Variants in INPP4A observed in about 807,000 individuals in gnomAD.
INPP4A encodes the protein inositol polyphosphate-4-phosphatase, type I, 107kD.
In INPP4A, 33 loss-of-function variants were observed where a neutral mutation model predicts 119.8. The observed-to-expected ratio is 0.28, with a 90% confidence interval of 0.21 to 0.37. INPP4A has a LOEUF of 0.37. INPP4A is among the 10% of genes least tolerant of loss of function. The pLI, the probability that INPP4A is intolerant of heterozygous loss-of-function variation, is 1.00. For synonymous variants in INPP4A, 496 were observed against 500.7 expected (o/e 0.99, Z 0.12); for missense variants, 956 against 1,289.9 (o/e 0.74, Z 3.97).
At position 98,592,207 on chromosome 2, in the gene INPP4A, G is replaced by A. The variant is rs1313513121; in HGVS notation, c.*4599G>A. 1 of 152,270 alleles carries A rather than the reference G, an allele frequency of 6.6e-6. No homozygotes were observed. The highest frequency in any genetic ancestry group is 1.5e-5 in the Non-Finnish European group (1 of 68,124). 9.4% of individuals were successfully genotyped at this position (152,270 alleles called of 1,614,324 possible). On this transcript the variant is annotated 3_prime_UTR_variant, in exon 25 of 25. Coordinates refer to ENST00000409851, the MANE Select transcript of INPP4A (RefSeq NM_001134225.2). ...CTCCCCAAAATGTCCTCTTCTACCA[G>A]CCCCTCTTAAGAGCCGATTTTCTGT...
At chr2:98,529,418 G>A (rs562727825) in intron 4 of INPP4A, among the ~76,000 whole-genome samples, 13 of 152,240 alleles carry the variant, frequency 8.5e-5, no homozygotes, top group African/African-American at 3.1e-4. Context: ...GGTGATGGTT[G>A]CACAACTCTG....
chr2:98,514,232 G>T (rs1207435943), intron 1 of INPP4A, among the ~76,000 whole-genome samples: 4 of 152,182 alleles, frequency 2.6e-5, no homozygotes, highest in African/African-American at 7.2e-5. Flanking sequence ...AGTAGGGGAG[G>T]CTCAGGGGAT....
chr2:98,481,673 C>T (rs1410337543), intron 1 of INPP4A, among the ~76,000 whole-genome samples: 2 of 152,176 alleles, frequency 1.3e-5, no homozygotes, highest in African/African-American at 2.4e-5. Flanking sequence ...TGTGAGCAAG[C>T]AGGCTTTGTA....
In INPP4A at chr2:98,566,904, G is replaced by A. The variant is rs148766652; in HGVS notation, c.2420+735G>A. 4.7e-4 allele frequency among the ~76,000 whole-genome samples: 71 copies of A among 152,310 alleles called. 2 individuals carry two copies. In the East Asian group the frequency reaches 8.5e-3, roughly 18 times the overall value. ...ATATGTGTAGAATAGTCTAAACAGAGATCTTCAAGTACTTGCTGTGAAGGA... is the reference window on the plus strand; with the variant it reads ...ATATGTGTAGAATAGTCTAAACAGAAATCTTCAAGTACTTGCTGTGAAGGA... On this transcript the variant is annotated intron_variant, in intron 21 of 24. Transcript: ENST00000409851. This position sits in a 1 kb window ranked among gnomAD's most constrained non-coding sequence, Gnocchi z 4.2.
intron 24 of INPP4A, among the ~76,000 whole-genome samples, chr2:98,582,147 A>G (rs1012752392): frequency 1.3e-5 from 2 of 152,222 alleles, no homozygotes; most frequent in Non-Finnish European, 2.9e-5. Flanking sequence ...TATATTTGAT[A>G]CTATTCTTTA....
At chr2:98,579,597 C>T (rs372881014) in intron 24 of INPP4A, among the ~76,000 whole-genome samples, 3 of 152,254 alleles carry the variant, frequency 2.0e-5, no homozygotes, top group African/African-American at 7.2e-5. Flanking sequence ...CTGCCCATGC[C>T]GGGCGCTGTC....
intron 1 of INPP4A, among the ~76,000 whole-genome samples, chr2:98,515,037 G>A (rs1027261101): frequency 1.7e-4 from 26 of 152,194 alleles, no homozygotes; most frequent in African/African-American, 6.3e-4. Context: ...GGGCAGGGCA[G>A]CTCCACGCCC....
At position 98,555,645 on chromosome 2, in the gene INPP4A, C is replaced by T; in HGVS notation, c.1659C>T (p.Gly553=). The T allele has an allele frequency of 6.2e-7, 1 of 1,613,950 alleles. No homozygotes were observed. The highest frequency in any genetic ancestry group is 8.5e-7 in the Non-Finnish European group (1 of 1,179,872). The change falls in exon 16 of 25, where the codon GGC becomes GGT. Residue 553 remains glycine (G), a synonymous_variant. Coordinates refer to ENST00000409851, the MANE Select transcript of INPP4A (RefSeq NM_001134225.2). ...LLQKERLHGE[G]CEDVFPCAGS... is the part of the protein sequence containing the mutation. ...AGAAGGAGCGGCTGCATGGCGAGGG[C>T]TGTGAGGATGTCTTCCCCTGTGCAG...
intron 13 of INPP4A, among the ~76,000 whole-genome samples, chr2:98,551,295 GA>G (rs1258294713): frequency 6.6e-6 from 1 of 152,142 alleles, no homozygotes; most frequent in African/African-American, 2.4e-5. Flanking sequence ...TTTTTAAGAT[GA>G]AATGGTCTTA....
chr2:98,505,769 T>C (rs909595119), intron 1 of INPP4A, among the ~76,000 whole-genome samples: 6 of 152,194 alleles, frequency 3.9e-5, no homozygotes, highest in Non-Finnish European at 8.8e-5. Flanking sequence ...CCCCTTCCAC[T>C]TTCCTGTTGA....
rs139563045 is a variant in INPP4A at position 98,580,703 on chromosome 2, C to A, written c.2786+3560C>A. ...GGGGAGGGCTCTGTGTGAAGAGGAA[C>A]CCTGGGCCTCCTGCCTCCCCATCTC... On this transcript the variant is annotated intron_variant, in intron 24 of 24. Coordinates refer to ENST00000409851, the MANE Select transcript of INPP4A (RefSeq NM_001134225.2). Among the ~76,000 whole-genome samples, 222 of 152,334 alleles carry A rather than the reference C, an allele frequency of 1.5e-3. 3 individuals carry two copies. The highest frequency in any genetic ancestry group is 2.5e-4 in the Non-Finnish European group (17 of 68,026).
At chr2:98,479,106 T>G (rs1027963615) in intron 1 of INPP4A, among the ~76,000 whole-genome samples, 2 of 152,168 alleles carry the variant, frequency 1.3e-5, no homozygotes, top group Non-Finnish European at 2.9e-5. Flanking sequence ...AGACCACACT[T>G]CCAGTTGCCC....
intron 13 of INPP4A, among the ~76,000 whole-genome samples, chr2:98,547,834 C>T (rs1213876874): frequency 1.3e-5 from 2 of 151,932 alleles, no homozygotes; most frequent in Admixed American, 6.6e-5. Context: ...CAGAAGCATC[C>T]GTCGACAGCC....
At chr2:98,498,771 A>G (rs1385295940) in intron 1 of INPP4A, among the ~76,000 whole-genome samples, 1 of 152,234 alleles carries the variant, frequency 6.6e-6, no homozygotes, top group African/African-American at 2.4e-5. Context: ...CCCTAATCTC[A>G]TAGAACTGGT....
In INPP4A at chr2:98,569,869, G is replaced by A. The variant is rs1021804000; in HGVS notation, c.2518+1201G>A. On this transcript the variant is annotated intron_variant, in intron 22 of 24. Coordinates refer to ENST00000409851, the MANE Select transcript of INPP4A (RefSeq NM_001134225.2). The surrounding 1 kb of genome is among the most constrained non-coding windows in gnomAD (Gnocchi z 5.1). ...AGAGTGTGCGGTTGGATTGGAAGAG[G>A]GGAGGCAAGCCGCTGATGGCCAGAG... is the stretch of plus-strand genomic sequence containing the variant. The A allele has an allele frequency of 2.6e-5, 4 of 152,442 alleles. No individual in the cohort carries two copies. Among genetic ancestry groups the A allele is most frequent in the South Asian group, 4.1e-4 (2 of 4,822 alleles). 9.4% of individuals were successfully genotyped at this position (152,442 alleles called of 1,614,324 possible). A position where few individuals can be genotyped will look rare whatever the true frequency, so the allele number is the denominator to read the frequency against.
At chr2:98,501,386 G>A (rs1683093921) in intron 1 of INPP4A, among the ~76,000 whole-genome samples, 1 of 152,154 alleles carries the variant, frequency 6.6e-6, no homozygotes, top group Non-Finnish European at 1.5e-5. Context: ...CAAGGTCATG[G>A]TAGAAGCAAT....
intron 16 of INPP4A, among the ~76,000 whole-genome samples, chr2:98,558,006 G>T (rs62157964): frequency 6.6e-5 from 10 of 152,306 alleles, no homozygotes; most frequent in African/African-American, 2.4e-4. Context: ...GTACACCCAG[G>T]TTCTTGTACC....
At chr2:98,473,221 G>A (rs1676459906) in intron 1 of INPP4A, among the ~76,000 whole-genome samples, 1 of 150,924 alleles carries the variant, frequency 6.6e-6, no homozygotes, top group Admixed American at 6.6e-5. Context: ...GGTAGTGTGG[G>A]TGCAGTGGAG....
intron 1 of INPP4A, among the ~76,000 whole-genome samples, chr2:98,517,388 C>T (rs143070844): frequency 6.6e-6 from 1 of 152,144 alleles, no homozygotes; most frequent in African/African-American, 2.4e-5. Flanking sequence ...GAGTTGTATG[C>T]CAGGTCACAG....
Sources: allele counts gnomAD v4.1 joint callset (sites outside exome capture counted in the v4.1 genomes callset), GRCh38; gene constraint gnomAD v4.1.1; non-coding constraint Gnocchi (gnomAD v3.1); transcripts MANE v1.5; gene names NCBI Gene and HGNC (gene_info 2026-07-23, HGNC 2026-07-21).